Variants in DCC observed in about 807,000 individuals in gnomAD.
DCC encodes DCC netrin 1 receptor, also known as netrin receptor DCC.
DCC carries 58 observed loss-of-function variants against 172.5 expected under a neutral mutation model. The ratio of observed to expected loss-of-function variants is 0.34; its 90% CI spans 0.27 to 0.42. The LOEUF is 0.42. DCC is among the 10% of genes least tolerant of loss of function. The pLI, the probability that DCC is intolerant of heterozygous loss-of-function variation, is 1.00. For missense variants in DCC, 1,740 were observed against 1,791.0 expected (o/e 0.97, Z 0.51); for synonymous variants, 709 against 644.5 (o/e 1.10, Z -1.52).
At chr18:53,060,184 C>CTGT (rs10588873) in intron 5 of DCC, among the ~76,000 whole-genome samples, 16 of 151,222 alleles carry the variant, frequency 1.1e-4, no homozygotes, top group African/African-American at 2.2e-4. Flanking sequence ...TTATTTGTTG[C>CTGT]TGTTGTTGTT....
At chr18:53,292,757 A>T (rs2057021371) in intron 12 of DCC, among the ~76,000 whole-genome samples, 2 of 152,194 alleles carry the variant, frequency 1.3e-5, no homozygotes, top group Non-Finnish European at 2.9e-5. Flanking sequence ...TGTCTTTGAG[A>T]AGCAAAAGAA....
At chr18:52,480,519 G>A (rs1455751816) in intron 1 of DCC, among the ~76,000 whole-genome samples, 1 of 152,182 alleles carries the variant, frequency 6.6e-6, no homozygotes. Context: ...CACTGAGTTT[G>A]TGCATGCCAC....
At chr18:53,271,190 G>A (rs534625447) in intron 12 of DCC, among the ~76,000 whole-genome samples, 10 of 152,254 alleles carry the variant, frequency 6.6e-5, no homozygotes, top group South Asian at 4.1e-4. Context: ...CTACAATCTA[G>A]AAAAGTGCTA....
chr18:52,450,528 G>T (rs144828943), intron 1 of DCC, among the ~76,000 whole-genome samples: 1 of 152,054 alleles, frequency 6.6e-6, no homozygotes, highest in Admixed American at 6.6e-5. Flanking sequence ...AAATTAAGTG[G>T]TTATTCTAGC....
chr18:52,537,139 T>C (rs1355357822), intron 1 of DCC, among the ~76,000 whole-genome samples: 1 of 152,170 alleles, frequency 6.6e-6, no homozygotes, highest in Non-Finnish European at 1.5e-5. Context: ...TCTCTCTAGG[T>C]CCTTATCTTA....
chr18:53,366,807 A>G (rs1424570230), intron 15 of DCC, among the ~76,000 whole-genome samples: 2 of 152,306 alleles, frequency 1.3e-5, no homozygotes, highest in African/African-American at 4.8e-5. Context: ...AAAGGTGCCA[A>G]TGCCATCCTC....
At position 53,380,228 on chromosome 18, in the gene DCC, T is replaced by G. The variant is rs111900077; in HGVS notation, c.2360-5815T>G. On this transcript the variant is annotated intron_variant, in intron 15 of 28. Transcript: ENST00000442544. ...TTTACTGGTTTTAAAGTTTAAGAGC[T>G]CTGAGCATGTGCAGGAAAATAGTTC... 3.3e-4 allele frequency among the ~76,000 whole-genome samples: 51 copies of G among 152,312 alleles called. 1 individual carries two copies. Among genetic ancestry groups the G allele is most frequent in the Admixed American group, 2.7e-3 (42 of 15,294 alleles).
intron 12 of DCC, among the ~76,000 whole-genome samples, chr18:53,247,710 T>C (rs1354090104): frequency 6.6e-6 from 1 of 152,028 alleles, no homozygotes; most frequent in Non-Finnish European, 1.5e-5. Context: ...ATTTGCCAAA[T>C]GATTTAATGC....
intron 7 of DCC, among the ~76,000 whole-genome samples, chr18:53,147,584 A>T (rs1305030761): frequency 6.6e-6 from 1 of 152,198 alleles, no homozygotes; most frequent in Admixed American, 6.5e-5. Context: ...GTAAGAGCCA[A>T]GTGCACTGCA....
intron 1 of DCC, among the ~76,000 whole-genome samples, chr18:52,517,505 G>A (rs750473349): frequency 2.6e-5 from 4 of 152,190 alleles, no homozygotes; most frequent in Admixed American, 6.5e-5. Context: ...GAAAGTCCTA[G>A]AAATGAAGAC....
intron 12 of DCC, among the ~76,000 whole-genome samples, chr18:53,285,992 C>T (rs1363033895): frequency 1.3e-5 from 2 of 152,158 alleles, no homozygotes; most frequent in Non-Finnish European, 2.9e-5. Flanking sequence ...TTACCTAATG[C>T]CTGTATCCCT....
intron 1 of DCC, among the ~76,000 whole-genome samples, chr18:52,467,301 G>T (rs1171905158): frequency 6.6e-6 from 1 of 151,942 alleles, no homozygotes; most frequent in Non-Finnish European, 1.5e-5. Context: ...GTGGTGTTTG[G>T]TTTTCTGTTC....
chr18:53,351,463 T>TATATATATACA (rs1568075494), intron 15 of DCC, among the ~76,000 whole-genome samples: 100 of 22,694 alleles, frequency 4.4e-3, no homozygotes, highest in Non-Finnish European at 5.8e-3. Context: ...ATATACACAG[T>TATATATATACA]GTGTATATAT....
chr18:52,976,609 A>G (rs1015305812), intron 5 of DCC, among the ~76,000 whole-genome samples: 1 of 152,226 alleles, frequency 6.6e-6, no homozygotes, highest in Admixed American at 6.5e-5. Flanking sequence ...TCATTTACAA[A>G]TGTAATCTCT....
At chr18:53,153,271 A>T (rs2054673326) in intron 7 of DCC, among the ~76,000 whole-genome samples, 1 of 152,212 alleles carries the variant, frequency 6.6e-6, no homozygotes. Context: ...AATAACTGGT[A>T]AGTTATAGAG....
chr18:53,362,008 A>G (rs1000303944), intron 15 of DCC, among the ~76,000 whole-genome samples: 3 of 152,150 alleles, frequency 2.0e-5, no homozygotes, highest in African/African-American at 4.8e-5. Context: ...TGGGGCAGAA[A>G]GGTGATTATT....
chr18:52,608,625 A>T (rs2034187138), intron 1 of DCC, among the ~76,000 whole-genome samples: 1 of 152,164 alleles, frequency 6.6e-6, no homozygotes, highest in South Asian at 2.1e-4. Context: ...CACATAGGAG[A>T]AGTAGTCAAG....
rs58217311 is a variant in DCC, at chr18:53,351,354, GTA to G, written c.2359+11458_2359+11459del. Among the ~76,000 whole-genome samples the G allele has an allele frequency of 1.6e-3, 59 of 37,178 alleles. 2 individuals carry two copies. The highest frequency in any genetic ancestry group is 4.0e-3 in the African/African-American group (49 of 12,308). 24.4% of individuals were successfully genotyped at this position (37,178 alleles called of 152,430 possible). On this transcript the variant is annotated intron_variant, in intron 15 of 28. Coordinates refer to ENST00000442544, the MANE Select transcript of DCC (RefSeq NM_005215.4). ...TATACAGTGTATATATATATACACAGTATATATATATACTGTATATATATATA... is the reference window on the plus strand; with the variant it reads ...TATACAGTGTATATATATATACACAGTATATATATACTGTATATATATATA...
intron 1 of DCC, among the ~76,000 whole-genome samples, chr18:52,398,830 TA>T (rs1986330748): frequency 6.6e-6 from 1 of 151,940 alleles, no homozygotes. Flanking sequence ...CATATGTACA[TA>T]AGGGATGTCC....
Sources: gnomAD v4.1 joint callset for allele counts (sites outside exome capture counted in the v4.1 genomes callset) on GRCh38, gnomAD v4.1.1 for gene constraint, MANE v1.5 for transcripts, NCBI Gene and HGNC (gene_info 2026-07-23, HGNC 2026-07-21) for gene names.